The following SEMA5A variants were observed in gnomAD, a reference collection of about 807,000 sequenced individuals.
SEMA5A encodes semaphorin-5A.
Under a neutral mutation model 135.5 loss-of-function variants are expected in SEMA5A, and 55 were observed. That is an observed-to-expected ratio of 0.41 (90% CI 0.33 to 0.51). The LOEUF is 0.51. Among genes scored for constraint, SEMA5A ranks in the 20% least tolerant of loss-of-function variants. The pLI is 0.37. For missense variants in SEMA5A, 1,290 were observed against 1,419.9 expected, an observed-to-expected ratio of 0.91 and a Z score of 1.47; for synonymous variants, 580 against 546.5, an observed-to-expected ratio of 1.06 and a Z score of -0.85.
intron 22 of SEMA5A, 61 bp downstream of exon 22, chr5:9,044,312 A>T: frequency 7.2e-7 from 1 of 1,394,752 alleles, no homozygotes; most frequent in Non-Finnish European, 1.0e-6. Context: ...GGGCATCAAA[A>T]TACTCCCTAC....
intron 5 of SEMA5A, among the ~76,000 whole-genome samples, chr5:9,309,195 G>T (rs1229093807): frequency 6.6e-6 from 1 of 152,122 alleles, no homozygotes. Flanking sequence ...GAGAGGTTAA[G>T]TGGCTTGCTC....
rs192073995 is a variant in SEMA5A, at chr5:9,338,848, C to T, written c.125-1036G>A. The stretch of plus-strand genomic sequence containing the variant: ...GGGCATATGGAAATATGCCCCCATT[C>T]CGTCTCATATCCTAAAGAAATCGCT... On this transcript the variant is annotated intron_variant, in intron 3 of 22. Transcript: ENST00000382496. Among the ~76,000 whole-genome samples the T allele has an allele frequency of 2.5e-3, 388 of 152,254 alleles. 3 individuals carry two copies. Among genetic ancestry groups the T allele is most frequent in the Non-Finnish European group, 3.7e-3 (251 of 68,020 alleles).
In SEMA5A at chr5:9,063,053, G is replaced by A. The variant is rs139036304; in HGVS notation, c.2352C>T (p.Asn784=). The A allele has an allele frequency of 1.1e-4, 172 of 1,614,164 alleles. No individual in the cohort carries two copies. Among genetic ancestry groups the A allele is most frequent in the Middle Eastern group, 3.3e-4 (2 of 6,062 alleles). Residue 784 remains asparagine, a synonymous_variant, in exon 18 of 23, where the codon AAC becomes AAT. Coordinates refer to ENST00000382496, the MANE Select transcript of SEMA5A (RefSeq NM_003966.3). ...RAGRYSAHTV[N]GAWSAWTSWS... The stretch of plus-strand genomic sequence containing the variant: ...ACGACGTCCAGGCTGACCAAGCCCC[G>A]TTGACCGTGTGGGCAGAGTATCTCC...
chr5:9,165,062 G>A (rs187024943), intron 11 of SEMA5A, among the ~76,000 whole-genome samples: 4 of 152,218 alleles, frequency 2.6e-5, no homozygotes, highest in East Asian at 1.9e-4. Flanking sequence ...CAGTATTTAC[G>A]TGAAAGTCCC....
intron 1 of SEMA5A, among the ~76,000 whole-genome samples, chr5:9,532,105 A>T (rs268545): frequency 0.34 from 51,520 of 152,030 alleles, 8,904 homozygotes; most frequent in East Asian, 0.4. Context: ...CCAAATCCAT[A>T]TCCCTTTCTT....
intron 18 of SEMA5A, among the ~76,000 whole-genome samples, chr5:9,058,432 T>A (rs1250954779): frequency 6.6e-6 from 1 of 152,144 alleles, no homozygotes; most frequent in Non-Finnish European, 1.5e-5. Flanking sequence ...TCACCCAAGT[T>A]AGCTCAAGAA....
intron 5 of SEMA5A, among the ~76,000 whole-genome samples, chr5:9,253,632 A>G (rs1748914323): frequency 6.6e-6 from 1 of 152,142 alleles, no homozygotes; most frequent in Non-Finnish European, 1.5e-5. Context: ...GTTCCTACTA[A>G]TACACTATCC....
At chr5:9,146,156 G>T (rs115071088) in intron 12 of SEMA5A, among the ~76,000 whole-genome samples, 2 of 151,984 alleles carry the variant, frequency 1.3e-5, no homozygotes, top group African/African-American at 4.8e-5. Context: ...GTTACCTTAC[G>T]ACAACACTGG....
At chr5:9,142,423 C>T (rs1037745100) in intron 12 of SEMA5A, among the ~76,000 whole-genome samples, 3 of 152,132 alleles carry the variant, frequency 2.0e-5, no homozygotes, top group Admixed American at 1.3e-4. Context: ...GGGCAGAGTC[C>T]TTGGGCTCCA....
At chr5:9,492,964 A>G (rs1342062444) in intron 1 of SEMA5A, among the ~76,000 whole-genome samples, 1 of 152,138 alleles carries the variant, frequency 6.6e-6, no homozygotes, top group Admixed American at 6.6e-5. Context: ...ATTTGTCCAA[A>G]TCTGTAGAAT....
chr5:9,321,545 T>A (rs1249986684), intron 4 of SEMA5A, among the ~76,000 whole-genome samples: 2 of 152,214 alleles, frequency 1.3e-5, no homozygotes, highest in Non-Finnish European at 2.9e-5. Context: ...CCTTAGTCTT[T>A]TCATCTGTAA....
chr5:9,210,817 G>A (rs1329377973), intron 8 of SEMA5A, among the ~76,000 whole-genome samples: 2 of 152,110 alleles, frequency 1.3e-5, no homozygotes, highest in Non-Finnish European at 2.9e-5. Flanking sequence ...ACATGGATTT[G>A]GAGTCTTCCA....
chr5:9,487,869 C>T (rs907651), intron 1 of SEMA5A, among the ~76,000 whole-genome samples: 8,121 of 152,180 alleles, frequency 0.053, 269 homozygotes, highest in Middle Eastern at 0.092. Context: ...AATTAACTTT[C>T]GCACATTTAT....
chr5:9,286,463 G>C (rs1431506971), intron 5 of SEMA5A, among the ~76,000 whole-genome samples: 1 of 152,026 alleles, frequency 6.6e-6, no homozygotes, highest in Non-Finnish European at 1.5e-5. Flanking sequence ...ATAAGGTTCA[G>C]CAATCATTGT....
intron 1 of SEMA5A, among the ~76,000 whole-genome samples, chr5:9,479,385 G>A (rs1168047941): frequency 2.7e-5 from 4 of 146,036 alleles, no homozygotes; most frequent in Non-Finnish European, 3.0e-5. Context: ...CCATGTCTAT[G>A]AAAAAAAAAA....
intron 12 of SEMA5A, among the ~76,000 whole-genome samples, chr5:9,137,786 A>G (rs1458001202): frequency 6.6e-6 from 1 of 152,238 alleles, no homozygotes; most frequent in African/African-American, 2.4e-5. Flanking sequence ...TGAGTTGTTC[A>G]TATTTATAAT....
chr5:9,337,689 G>A, intron 4 of SEMA5A, 24 bp downstream of exon 4: 1 of 1,539,284 alleles, frequency 6.5e-7, no homozygotes, highest in Non-Finnish European at 9.0e-7. Flanking sequence ...AATATCTGTG[G>A]TGGCAAAATA....
At chr5:9,335,185 G>T (rs76840279) in intron 4 of SEMA5A, among the ~76,000 whole-genome samples, 3 of 152,192 alleles carry the variant, frequency 2.0e-5, no homozygotes, top group Admixed American at 2.0e-4. Flanking sequence ...AGACTTCCAG[G>T]AATGCTGAGA....
intron 11 of SEMA5A, among the ~76,000 whole-genome samples, chr5:9,179,391 G>A (rs1744382145): frequency 6.6e-6 from 1 of 152,146 alleles, no homozygotes; most frequent in African/African-American, 2.4e-5. Context: ...TGGGTCCAAA[G>A]CAAAGCAAGG....
Sources: gnomAD v4.1 joint callset for allele counts (sites outside exome capture counted in the v4.1 genomes callset) on GRCh38, gnomAD v4.1.1 for gene constraint, MANE v1.5 for transcripts, NCBI Gene and HGNC (gene_info 2026-07-23, HGNC 2026-07-21) for gene names.